Variants in NCAM2 observed in about 807,000 individuals in gnomAD.
NCAM2 encodes neural cell adhesion molecule 2.
Under a neutral mutation model 98.1 loss-of-function variants are expected in NCAM2, and 30 were observed. That is an observed-to-expected ratio of 0.31 (90% CI 0.23 to 0.41). The LOEUF is 0.41. NCAM2 is among the 10% of genes least tolerant of loss of function. NCAM2 has a pLI of 1.00. For missense variants in NCAM2, 867 were observed against 1,005.8 expected (o/e 0.86, Z 1.87); for synonymous variants, 368 against 342.4 (o/e 1.07, Z -0.83).
intron 1 of NCAM2, among the ~76,000 whole-genome samples, chr21:21,204,329 A>T (rs917661643): frequency 6.6e-6 from 1 of 152,020 alleles, no homozygotes; most frequent in African/African-American, 2.4e-5. Flanking sequence ...TTATTGCTGG[A>T]TTTATTTATG....
intron 8 of NCAM2, among the ~76,000 whole-genome samples, chr21:21,357,713 A>G (rs562772356): frequency 3.2e-4 from 49 of 152,038 alleles, no homozygotes; most frequent in Non-Finnish European, 6.3e-4. Flanking sequence ...TTTTATTTCT[A>G]CCTTTTTACC....
At chr21:21,440,873 T>G (rs923252033) in intron 12 of NCAM2, among the ~76,000 whole-genome samples, 5 of 152,160 alleles carry the variant, frequency 3.3e-5, no homozygotes, top group Admixed American at 2.0e-4. Context: ...TAGTAAACAT[T>G]TTAGATGAAT....
intron 9 of NCAM2, among the ~76,000 whole-genome samples, chr21:21,399,961 G>A (rs978084635): frequency 6.6e-6 from 1 of 152,142 alleles, no homozygotes; most frequent in Non-Finnish European, 1.5e-5. Context: ...GCAGGAGAAT[G>A]CAGTGATCAG....
At chr21:21,448,404 C>A (rs567147264) in intron 12 of NCAM2, among the ~76,000 whole-genome samples, 13 of 151,426 alleles carry the variant, frequency 8.6e-5, no homozygotes, top group Non-Finnish European at 1.5e-4. Context: ...TGTGTGGGGG[C>A]AAAAGGAGGG....
chr21:21,174,031 C>A (rs377734415), intron 1 of NCAM2, among the ~76,000 whole-genome samples: 40 of 152,296 alleles, frequency 2.6e-4, no homozygotes, highest in African/African-American at 9.6e-4. Context: ...TCAAGCGATT[C>A]TCCTGCCTCA....
rs999259459 is a variant in NCAM2 at position 20,998,628 on chromosome 21, T to C, written c.55+10T>C. On this transcript the variant is annotated intron_variant, in intron 1 of 17. Transcript: ENST00000400546. ...GTCAGTAGCGGGCAAGGTAGGAGTGTGGCGCTTTATTGCATTTACTTTCCC... is the reference window on the plus strand; with the variant it reads ...GTCAGTAGCGGGCAAGGTAGGAGTGCGGCGCTTTATTGCATTTACTTTCCC... 1 of 1,613,542 alleles carries C rather than the reference T, an allele frequency of 6.2e-7. No individual in the cohort carries two copies.
rs558577472 is a variant in NCAM2 at position 21,452,245 on chromosome 21, G to A, written c.1655-14361G>A. On this transcript the variant is annotated intron_variant, in intron 12 of 17. Transcript: ENST00000400546. ...ATATTATATACACACATATACATATGTGTATATGTATATATACATACATAT... is the reference window on the plus strand; with the variant it reads ...ATATTATATACACACATATACATATATGTATATGTATATATACATACATAT... 4.7e-5 allele frequency among the ~76,000 whole-genome samples: 7 copies of A among 150,402 alleles called. No homozygotes were observed. In the Admixed American group the frequency reaches 4.7e-4, roughly 10 times the overall value.
At chr21:21,238,644 A>G (rs1032786082) in intron 1 of NCAM2, among the ~76,000 whole-genome samples, 2 of 152,036 alleles carry the variant, frequency 1.3e-5, no homozygotes, top group Non-Finnish European at 2.9e-5. Flanking sequence ...TCTTAATATT[A>G]GTATTTGTTA....
Position 21,432,237 on chromosome 21 carries a change from T to C in NCAM2, c.1610T>C (p.Val537Ala). The part of the protein sequence containing the change: ...IHHYQVDVKE[V>A]ASEIWKIVRS... ...CACTATCAGGTGGATGTCAAAGAAG[T>C]AGCGTCAGAAATCTGGAAAATTGTA... Residue 537 changes from valine (V) to alanine (A), a missense_variant, in exon 12 of 18, where the codon GTA becomes GCA. Coordinates refer to ENST00000400546, the MANE Select transcript of NCAM2 (RefSeq NM_004540.5). The C allele has an allele frequency of 7.4e-6, 12 of 1,614,094 alleles. No homozygotes were observed. Among genetic ancestry groups the C allele is most frequent in the Non-Finnish European group, 1.0e-5 (12 of 1,179,970 alleles).
intron 8 of NCAM2, among the ~76,000 whole-genome samples, chr21:21,358,879 TACTA>T (rs1397425741): frequency 2.0e-5 from 3 of 152,094 alleles, no homozygotes; most frequent in Non-Finnish European, 2.9e-5. Flanking sequence ...ATTTGATATT[TACTA>T]ACTTTTTAGT....
At chr21:21,029,499 G>C (rs1486485845) in intron 1 of NCAM2, among the ~76,000 whole-genome samples, 1 of 151,928 alleles carries the variant, frequency 6.6e-6, no homozygotes, top group African/African-American at 2.4e-5. Flanking sequence ...AGGAGCAGGA[G>C]AACTTAGGAC....
intron 5 of NCAM2, among the ~76,000 whole-genome samples, chr21:21,298,504 A>T (rs2073574641): frequency 6.6e-6 from 1 of 151,706 alleles, no homozygotes; most frequent in Non-Finnish European, 1.5e-5. Context: ...CAAGAAAAGA[A>T]AAGTATATCT....
At chr21:21,435,582 T>C (rs1279534459) in intron 12 of NCAM2, among the ~76,000 whole-genome samples, 1 of 152,196 alleles carries the variant, frequency 6.6e-6, no homozygotes, top group Admixed American at 6.5e-5. Context: ...AACATCTTCT[T>C]CTTTAACTCT....
intron 16 of NCAM2, among the ~76,000 whole-genome samples, chr21:21,516,591 A>G (rs1405811120): frequency 6.6e-6 from 1 of 152,028 alleles, no homozygotes; most frequent in Non-Finnish European, 1.5e-5. Context: ...TTTGTATACC[A>G]GTGTTTTTTT....
intron 1 of NCAM2, among the ~76,000 whole-genome samples, chr21:20,998,842 G>A (rs1321217725): frequency 1.3e-5 from 2 of 152,086 alleles, no homozygotes; most frequent in African/African-American, 4.8e-5. Flanking sequence ...ATTGGAGAGG[G>A]GAATCGGTGA....
chr21:21,052,932 G>T (rs996006411), intron 1 of NCAM2, among the ~76,000 whole-genome samples: 1 of 151,658 alleles, frequency 6.6e-6, no homozygotes, highest in African/African-American at 2.4e-5. Context: ...CATTTCTAAG[G>T]GTTTGTTTGT....
At chr21:21,486,402 A>G (rs1361812411) in intron 15 of NCAM2, among the ~76,000 whole-genome samples, 1 of 151,490 alleles carries the variant, frequency 6.6e-6, no homozygotes, top group African/African-American at 2.4e-5. Context: ...AATATAATCC[A>G]TTTATAGGGC....
chr21:21,108,574 G>C (rs1201461594), intron 1 of NCAM2, among the ~76,000 whole-genome samples: 1 of 152,066 alleles, frequency 6.6e-6, no homozygotes, highest in Non-Finnish European at 1.5e-5. Context: ...TTATCAAATT[G>C]TAAGGGCAGG....
Position 21,404,868 on chromosome 21 carries a change from C to CT in NCAM2, c.1196-5400dup, listed in dbSNP as rs1377791315. ...CTTTACAGAAGTGAAAGTAAAGTTG[C>CT]TTTTTTACAAAAGCAACTTTACAAT... On this transcript the variant is annotated intron_variant, in intron 9 of 17. Transcript: ENST00000400546. 3.3e-5 allele frequency among the ~76,000 whole-genome samples: 5 copies of CT among 150,624 alleles called. No individual in the cohort carries two copies. In the East Asian group the frequency reaches 7.9e-4, roughly 24 times the overall value.
Sources: gnomAD v4.1 joint callset for allele counts (sites outside exome capture counted in the v4.1 genomes callset) on GRCh38, gnomAD v4.1.1 for gene constraint, MANE v1.5 for transcripts, NCBI Gene and HGNC (gene_info 2026-07-23, HGNC 2026-07-21) for gene names.